Variants in POLR1C observed in about 807,000 individuals in gnomAD.
POLR1C encodes RNA polymerase I and III subunit C, also known as DNA-directed RNA polymerases I and III subunit RPAC1.
A neutral mutation model predicts 38.3 loss-of-function variants in POLR1C; 42 were observed. The observed-to-expected ratio is 1.10, with a 90% CI of 0.86 to 1.42. The LOEUF (loss-of-function observed/expected upper bound fraction) is 1.42, where lower values mean the gene tolerates loss of function less well. Ranked by LOEUF, POLR1C falls within the 40% of genes most tolerant of loss-of-function variation. The probability of loss-of-function intolerance (pLI) is 0.00; values close to 1 mark genes in which losing one functional copy is unlikely to be tolerated. For missense variants in POLR1C, 507 were observed against 450.5 expected, an observed-to-expected ratio of 1.13 and a Z score of -1.14; for synonymous variants, 163 against 163.9, an observed-to-expected ratio of 0.99 and a Z score of 0.04.
intron 9 of POLR1C, among the ~76,000 whole-genome samples, chr6:43,541,394 A>G (rs73426769): frequency 3.1e-4 from 47 of 152,376 alleles, no homozygotes; most frequent in African/African-American, 1.1e-3. Flanking sequence ...ATATGTATGT[A>G]CTGTGTACCC....
chr6:43,544,635 T>A (rs1488937833), intron 9 of POLR1C, among the ~76,000 whole-genome samples: 1 of 152,066 alleles, frequency 6.6e-6, no homozygotes, highest in Non-Finnish European at 1.5e-5. Flanking sequence ...TTAAAAAACA[T>A]CACTATGGGG....
intron 9 of POLR1C, among the ~76,000 whole-genome samples, chr6:43,537,963 G>A (rs972013938): frequency 6.6e-6 from 1 of 150,900 alleles, no homozygotes; most frequent in Non-Finnish European, 1.5e-5. Context: ...AGCTACTCGA[G>A]AGGCTGAGGC....
At chr6:43,519,177 C>T (rs1376375048) in intron 2 of POLR1C, 156 bp from the exon 3 acceptor site, 15 of 679,746 alleles carry the variant, frequency 2.2e-5, no homozygotes, top group Non-Finnish European at 4.0e-5. Context: ...AAACTTAAAA[C>T]ACTGGGCGAG....
Position 43,521,347 on chromosome 6 carries a change from C to T in POLR1C, c.*47C>T. On this transcript the variant is annotated 3_prime_UTR_variant, in exon 9 of 9. Transcript: ENST00000642195. ...GCTGAAGCTTTGGGTTCTGACTGAC[C>T]CACCCTACAGGACTGCTGAACAGAG... is the stretch of plus-strand genomic sequence containing the variant. 1.2e-6 allele frequency: 2 copies of T among 1,611,122 alleles called. No homozygotes were observed. Among genetic ancestry groups the T allele is most frequent in the Admixed American group, 1.7e-5 (1 of 60,008 alleles).
chr6:43,560,440 A>C, intron 10 of POLR1C: 1 of 1,108,122 alleles, frequency 9.0e-7, no homozygotes. Context: ...ACTGCAATTT[A>C]TCAGTAATGA....
At chr6:43,551,385 G>A (rs376372783) in intron 10 of POLR1C, 3 of 1,613,968 alleles carry the variant, frequency 1.9e-6, no homozygotes, top group Non-Finnish European at 2.5e-6. Context: ...AGGACAGGAT[G>A]AGGGGATCCT....
intron 8 of POLR1C, chr6:43,528,230 TG>T (rs1296727305): frequency 1.3e-6 from 2 of 1,575,126 alleles, no homozygotes; most frequent in East Asian, 4.6e-5. Flanking sequence ...AGGAAATAAA[TG>T]CTAGAATTGG....
chr6:43,533,780 A>G (rs1253382104), downstream of POLR1C: 3 of 554,428 alleles, frequency 5.4e-6, no homozygotes, highest in Non-Finnish European at 9.1e-6. Flanking sequence ...GCCTACAGTG[A>G]GCTATGGTTG....
chr6:43,528,982 G>A, intron 8 of POLR1C: 1 of 1,516,878 alleles, frequency 6.6e-7, no homozygotes, highest in Admixed American at 1.9e-5. Flanking sequence ...CACCTGCCAG[G>A]TGGTGGGTTG....
chr6:43,528,551 C>G (rs1325969179), intron 8 of POLR1C, among the ~76,000 whole-genome samples: 3 of 152,152 alleles, frequency 2.0e-5, no homozygotes, highest in Non-Finnish European at 4.4e-5. Flanking sequence ...TGGCAAGGGT[C>G]TGTGAGCAAG....
intron 9 of POLR1C, among the ~76,000 whole-genome samples, chr6:43,540,928 A>G (rs1349462096): frequency 6.6e-6 from 1 of 152,236 alleles, no homozygotes. Context: ...CATAAAAAAA[A>G]AAAGAGATCT....
intron 8 of POLR1C, among the ~76,000 whole-genome samples, chr6:43,528,453 G>A (rs1222421591): frequency 1.3e-5 from 2 of 152,022 alleles, no homozygotes; most frequent in African/African-American, 4.8e-5. Flanking sequence ...AACATTTTTA[G>A]AATTCCTGGG....
chr6:43,528,949 T>A (rs1404611690), intron 8 of POLR1C: 1 of 1,602,198 alleles, frequency 6.2e-7, no homozygotes, highest in Admixed American at 1.7e-5. Flanking sequence ...TTAAGAAATT[T>A]TAGTGCATAG....
chr6:43,551,775 A>G (rs1364734598), intron 10 of POLR1C, among the ~76,000 whole-genome samples: 1 of 151,702 alleles, frequency 6.6e-6, no homozygotes, highest in Admixed American at 6.6e-5. Flanking sequence ...AAGTGATCCT[A>G]CGGCCTCAGC....
chr6:43,540,427 C>G (rs1242667900), intron 9 of POLR1C, among the ~76,000 whole-genome samples: 1 of 151,974 alleles, frequency 6.6e-6, no homozygotes, highest in Non-Finnish European at 1.5e-5. Context: ...TGCAGTGAGC[C>G]GAGATGGCGC....
At chr6:43,545,220 A>G (rs1016375292) in intron 9 of POLR1C, among the ~76,000 whole-genome samples, 3 of 152,156 alleles carry the variant, frequency 2.0e-5, no homozygotes, top group African/African-American at 7.2e-5. Context: ...CAACTTTATC[A>G]GACACTCCAG....
intron 9 of POLR1C, chr6:43,538,703 G>A: frequency 2.1e-6 from 1 of 468,002 alleles, no homozygotes. Context: ...CTTTGGTACT[G>A]TTAATGTCTG....
At chr6:43,530,263 T>C (rs925202674), downstream of POLR1C, among the ~76,000 whole-genome samples, 1 of 149,322 alleles carries the variant, frequency 6.7e-6, no homozygotes, top group African/African-American at 2.5e-5. Flanking sequence ...TCTCAAAAAA[T>C]AGGAATAAAA....
At chr6:43,550,419 T>G (rs1025816949) in intron 9 of POLR1C, among the ~76,000 whole-genome samples, 1 of 152,170 alleles carries the variant, frequency 6.6e-6, no homozygotes, top group African/African-American at 2.4e-5. Flanking sequence ...TTTTCTGAAG[T>G]CCTACTGGTC....
Sources: allele counts gnomAD v4.1 joint callset (sites outside exome capture counted in the v4.1 genomes callset), GRCh38; gene constraint gnomAD v4.1.1; transcripts MANE v1.5; gene names NCBI Gene and HGNC (gene_info 2026-07-23, HGNC 2026-07-21).